Variants in RABGAP1L observed in about 807,000 individuals in gnomAD.
RABGAP1L encodes rab GTPase-activating protein 1-like.
In RABGAP1L, 63 loss-of-function variants were observed where a neutral mutation model predicts 137.7. The observed-to-expected ratio is 0.46, with a 90% CI of 0.37 to 0.56. The LOEUF (loss-of-function observed/expected upper bound fraction) is 0.56. Ranked by LOEUF, RABGAP1L falls within the 20% of genes least tolerant of loss-of-function variation. The pLI is 0.00. For missense variants in RABGAP1L, 1,095 were observed against 1,244.0 expected (o/e 0.88, Z 1.80); for synonymous variants, 431 against 433.7 (o/e 0.99, Z 0.08).
intron 13 of RABGAP1L, among the ~76,000 whole-genome samples, chr1:174,431,780 G>A (rs573892894): frequency 7.2e-5 from 11 of 152,190 alleles, no homozygotes; most frequent in Non-Finnish European, 1.5e-4. Flanking sequence ...GACAGTATTC[G>A]AATTGATGTT....
chr1:174,197,392 G>T (rs2148371876), intron 1 of RABGAP1L, among the ~76,000 whole-genome samples: 1 of 137,642 alleles, frequency 7.3e-6, no homozygotes, highest in South Asian at 2.3e-4. Context: ...CTGATACACT[G>T]CCCGATCTTA....
chr1:174,669,020 A>T (rs1676985684), intron 14 of RABGAP1L, among the ~76,000 whole-genome samples: 1 of 152,110 alleles, frequency 6.6e-6, no homozygotes, highest in South Asian at 2.1e-4. Flanking sequence ...CAGATGTTTT[A>T]TTAGTTCGTT....
chr1:174,940,130 A>G (rs1054725419), intron 19 of RABGAP1L, among the ~76,000 whole-genome samples: 1 of 152,208 alleles, frequency 6.6e-6, no homozygotes, highest in Non-Finnish European at 1.5e-5. Flanking sequence ...ACTGATTCCC[A>G]TGACTAGGAA....
chr1:174,672,659 A>AT (rs893109540), intron 14 of RABGAP1L, among the ~76,000 whole-genome samples: 6 of 151,398 alleles, frequency 4.0e-5, no homozygotes, highest in Non-Finnish European at 5.9e-5. Flanking sequence ...TTGTATTTTC[A>AT]TTTTCATTTT....
chr1:174,554,728 C>T (rs1215059521), intron 13 of RABGAP1L, among the ~76,000 whole-genome samples: 3 of 152,024 alleles, frequency 2.0e-5, no homozygotes, highest in African/African-American at 7.2e-5. Flanking sequence ...AGTTAATTTT[C>T]TGTGAAAATA....
At chr1:174,881,239 C>T (rs189465252) in intron 19 of RABGAP1L, among the ~76,000 whole-genome samples, 143 of 152,198 alleles carry the variant, frequency 9.4e-4, no homozygotes, top group Non-Finnish European at 3.7e-4. Flanking sequence ...CACTCCTAAC[C>T]CTGTAGCTCA....
chr1:174,985,709 T>C (rs1671534034), intron 24 of RABGAP1L, among the ~76,000 whole-genome samples: 1 of 152,232 alleles, frequency 6.6e-6, no homozygotes, highest in Non-Finnish European at 1.5e-5. Flanking sequence ...AAGTGATATT[T>C]GACTATCACT....
At chr1:174,963,911 G>A (rs1050811540) in intron 20 of RABGAP1L, among the ~76,000 whole-genome samples, 27 of 152,008 alleles carry the variant, frequency 1.8e-4, no homozygotes, top group African/African-American at 5.3e-4. Flanking sequence ...TTTTTTAAGC[G>A]CTGAAAGAAA....
chr1:174,792,284 C>T (rs1687917618), intron 18 of RABGAP1L, among the ~76,000 whole-genome samples: 1 of 152,180 alleles, frequency 6.6e-6, no homozygotes, highest in Non-Finnish European at 1.5e-5. Context: ...GTTTGGGCAG[C>T]CCTATGAGAG....
chr1:174,254,211 T>C (rs1023215073), intron 7 of RABGAP1L, among the ~76,000 whole-genome samples: 1 of 152,186 alleles, frequency 6.6e-6, no homozygotes, highest in South Asian at 2.1e-4. Flanking sequence ...CATGCATGTG[T>C]TTTTAATTGC....
intron 1 of RABGAP1L, among the ~76,000 whole-genome samples, chr1:174,187,235 A>G (rs1035917718): frequency 1.3e-5 from 2 of 151,790 alleles, no homozygotes; most frequent in Non-Finnish European, 2.9e-5. Context: ...AAGCCCACTA[A>G]TATCACCCTT....
intron 13 of RABGAP1L, among the ~76,000 whole-genome samples, chr1:174,601,970 TTATTGTCCA>T (rs1248784502): frequency 6.6e-6 from 1 of 152,166 alleles, no homozygotes; most frequent in African/African-American, 2.4e-5. Flanking sequence ...AGCCTGGACC[TTATTGTCCA>T]TATCACTCTC....
At chr1:174,971,300 A>G (rs1670108061) in intron 21 of RABGAP1L, among the ~76,000 whole-genome samples, 1 of 151,348 alleles carries the variant, frequency 6.6e-6, no homozygotes, top group African/African-American at 2.4e-5. Context: ...TTTAATAATC[A>G]GAAAAAAATT....
At chr1:174,642,803 T>C (rs1416108911) in intron 14 of RABGAP1L, among the ~76,000 whole-genome samples, 2 of 136,248 alleles carry the variant, frequency 1.5e-5, no homozygotes, top group Non-Finnish European at 3.1e-5. Context: ...TCTCCTCTTC[T>C]CTTCGGGGTC....
intron 13 of RABGAP1L, among the ~76,000 whole-genome samples, chr1:174,504,919 G>C (rs2147778619): frequency 6.6e-6 from 1 of 152,142 alleles, no homozygotes; most frequent in South Asian, 2.1e-4. Context: ...GAAACAACAG[G>C]GTGAGGAGTC....
intron 1 of RABGAP1L, among the ~76,000 whole-genome samples, chr1:174,174,373 A>G (rs1019034837): frequency 3.3e-5 from 5 of 152,220 alleles, no homozygotes; most frequent in African/African-American, 7.2e-5. Flanking sequence ...GACATGAAAT[A>G]TATGTCCTGT....
intron 17 of RABGAP1L, among the ~76,000 whole-genome samples, chr1:174,713,876 G>T (rs1680785102): frequency 6.6e-6 from 1 of 152,086 alleles, no homozygotes; most frequent in African/African-American, 2.4e-5. Context: ...CTTCCTATCT[G>T]TTCTTCCCAC....
intron 5 of RABGAP1L, among the ~76,000 whole-genome samples, 200 bp from the exon 6 acceptor site, chr1:174,250,275 C>G (rs1380471615): frequency 2.0e-5 from 3 of 151,840 alleles, no homozygotes; most frequent in Non-Finnish European, 4.4e-5. Context: ...TGTTTACTCC[C>G]TCTTTTTTTA....
chr1:174,575,086 A>T (rs1238612665), intron 13 of RABGAP1L, among the ~76,000 whole-genome samples: 1 of 152,098 alleles, frequency 6.6e-6, no homozygotes, highest in South Asian at 2.1e-4. Context: ...ATGCGCCACC[A>T]CACCTGGCTA....
Sources: gnomAD v4.1 joint callset for allele counts (sites outside exome capture counted in the v4.1 genomes callset) on GRCh38, gnomAD v4.1.1 for gene constraint, MANE v1.5 for transcripts, NCBI Gene and HGNC (gene_info 2026-07-23, HGNC 2026-07-21) for gene names.